The following DTD1 variants were observed in gnomAD, a reference collection of about 807,000 sequenced individuals.
DTD1 encodes D-tyrosyl-tRNA deacylase 1 homolog.
DTD1 carries 13 observed loss-of-function variants against 25.6 expected under a neutral mutation model. That is an observed-to-expected ratio of 0.51 (90% CI 0.33 to 0.81). DTD1 has a LOEUF of 0.81. DTD1 is among the 30% of genes least tolerant of loss of function. The pLI, the probability that DTD1 is intolerant of heterozygous loss-of-function variation, is 0.02. For missense variants in DTD1, 193 were observed against 266.4 expected, an observed-to-expected ratio of 0.72 and a Z score of 1.92; for synonymous variants, 110 against 103.6, an observed-to-expected ratio of 1.06 and a Z score of -0.37.
At chr20:18,721,834 T>C (rs571554328) in intron 4 of DTD1, among the ~76,000 whole-genome samples, 1 of 151,692 alleles carries the variant, frequency 6.6e-6, no homozygotes, top group South Asian at 2.1e-4. Flanking sequence ...GGGGGCTGGG[T>C]AGTCAGTGGC....
intron 4 of DTD1, among the ~76,000 whole-genome samples, chr20:18,668,352 G>T (rs1194730248): frequency 6.6e-6 from 1 of 152,202 alleles, no homozygotes; most frequent in Non-Finnish European, 1.5e-5. Context: ...ATGTCAGTGT[G>T]TTACACACAT....
intron 4 of DTD1, among the ~76,000 whole-genome samples, chr20:18,679,865 A>T (rs557130633): frequency 1.3e-5 from 2 of 152,328 alleles, no homozygotes; most frequent in African/African-American, 4.8e-5. Flanking sequence ...TTACTTATTG[A>T]TACACAGTCA....
intron 4 of DTD1, among the ~76,000 whole-genome samples, chr20:18,742,768 G>A (rs1192400212): frequency 6.6e-6 from 1 of 152,156 alleles, no homozygotes. Flanking sequence ...AGAGCTACTG[G>A]TTGGTTGTTC....
At chr20:18,745,668 A>AGT (rs1471560138) in intron 5 of DTD1, among the ~76,000 whole-genome samples, 3 of 151,950 alleles carry the variant, frequency 2.0e-5, no homozygotes, top group Middle Eastern at 3.2e-3. Context: ...AGGACAGGAG[A>AGT]GTTTGGGAAT....
At chr20:18,653,577 GTGTATGA>G (rs2060881870) in intron 4 of DTD1, among the ~76,000 whole-genome samples, 1 of 152,188 alleles carries the variant, frequency 6.6e-6, no homozygotes. Flanking sequence ...ACTGTGAAAG[GTGTATGA>G]TCTAAACAGA....
chr20:18,754,869 G>A (rs1396929139), intron 5 of DTD1, among the ~76,000 whole-genome samples: 1 of 152,194 alleles, frequency 6.6e-6, no homozygotes, highest in East Asian at 1.9e-4. Context: ...TCCACTGCTG[G>A]CCAAAAATCT....
At chr20:18,616,310 T>C (rs891835645) in intron 3 of DTD1, among the ~76,000 whole-genome samples, 5 of 152,226 alleles carry the variant, frequency 3.3e-5, no homozygotes, top group Non-Finnish European at 7.3e-5. Context: ...TGGTCTTACA[T>C]GTAAATCATC....
chr20:18,734,929 C>T (rs200516768), intron 4 of DTD1, among the ~76,000 whole-genome samples: 1 of 152,234 alleles, frequency 6.6e-6, no homozygotes, highest in East Asian at 1.9e-4. Context: ...CGGGGTCTGG[C>T]TGGGCACGTC....
intron 5 of DTD1, among the ~76,000 whole-genome samples, chr20:18,746,115 G>GGT (rs1432780395): frequency 6.6e-6 from 1 of 152,254 alleles, no homozygotes; most frequent in African/African-American, 2.4e-5. Flanking sequence ...ACCTATTTTG[G>GGT]GTGTGTTGTG....
intron 5 of DTD1, among the ~76,000 whole-genome samples, chr20:18,748,850 G>A (rs918200742): frequency 2.0e-5 from 3 of 152,194 alleles, no homozygotes; most frequent in Non-Finnish European, 4.4e-5. Context: ...TGGTGCTATT[G>A]TGAATCACCC....
intron 4 of DTD1, among the ~76,000 whole-genome samples, chr20:18,705,397 C>T (rs1416126225): frequency 6.6e-6 from 1 of 152,160 alleles, no homozygotes; most frequent in Non-Finnish European, 1.5e-5. Flanking sequence ...CAACTCCCGC[C>T]CCTGCCTGTA....
chr20:18,757,124 T>A (rs1205981666), intron 5 of DTD1, among the ~76,000 whole-genome samples: 1 of 152,186 alleles, frequency 6.6e-6, no homozygotes, highest in Non-Finnish European at 1.5e-5. Flanking sequence ...TGATTTTGTA[T>A]CCTGAGACTT....
chr20:18,638,314 C>G (rs1447622735), intron 4 of DTD1, among the ~76,000 whole-genome samples: 2 of 152,068 alleles, frequency 1.3e-5, no homozygotes, highest in African/African-American at 4.8e-5. Context: ...CATGTAGGTC[C>G]AGCACTGAAA....
chr20:18,624,164 GC>G (rs1311957707), intron 3 of DTD1, among the ~76,000 whole-genome samples: 1 of 152,092 alleles, frequency 6.6e-6, no homozygotes, highest in African/African-American at 2.4e-5. Context: ...CCCTTCCAAG[GC>G]CACTGTGCTC....
At chr20:18,741,897 ATTTTTTTTTT>A (rs57912866) in intron 4 of DTD1, among the ~76,000 whole-genome samples, 2 of 88,722 alleles carry the variant, frequency 2.3e-5, no homozygotes, top group Non-Finnish European at 2.3e-5. Flanking sequence ...TAACCTTTGT[ATTTTTTTTTT>A]TTTTTTTTTT....
chr20:18,671,752 C>A (rs1474966202), intron 4 of DTD1, among the ~76,000 whole-genome samples: 1 of 152,130 alleles, frequency 6.6e-6, no homozygotes, highest in Non-Finnish European at 1.5e-5. Context: ...GGGAGCAGAG[C>A]AGCCCCCTTG....
chr20:18,598,301 C>T (rs183923896), intron 3 of DTD1, among the ~76,000 whole-genome samples: 7 of 152,242 alleles, frequency 4.6e-5, no homozygotes, highest in Non-Finnish European at 1.0e-4. Flanking sequence ...CTGCAAAGGA[C>T]GTGAACTCAT....
intron 4 of DTD1, among the ~76,000 whole-genome samples, chr20:18,651,352 T>C (rs1181931021): frequency 6.6e-6 from 1 of 152,190 alleles, no homozygotes; most frequent in Non-Finnish European, 1.5e-5. Context: ...GGTTTCACTA[T>C]GTTGGGCAGG....
chr20:18,672,321 A>G (rs1022142325), intron 4 of DTD1, among the ~76,000 whole-genome samples: 10 of 152,222 alleles, frequency 6.6e-5, no homozygotes, highest in African/African-American at 2.4e-4. Flanking sequence ...ATAGCTTATG[A>G]ACCAATTAAG....
Sources: allele counts gnomAD v4.1 joint callset (sites outside exome capture counted in the v4.1 genomes callset), GRCh38; gene constraint gnomAD v4.1.1; transcripts MANE v1.5; gene names NCBI Gene and HGNC (gene_info 2026-07-23, HGNC 2026-07-21).